The following CTNND2 variants were observed in gnomAD, a reference collection of about 807,000 sequenced individuals.
CTNND2 encodes catenin delta 2.
Under a neutral mutation model 144.4 loss-of-function variants are expected in CTNND2, and 22 were observed. The ratio of observed to expected loss-of-function variants is 0.15; its 90% CI spans 0.11 to 0.22. The LOEUF is 0.22. Ranked by LOEUF, CTNND2 falls within the 10% of genes least tolerant of loss-of-function variation. CTNND2 has a pLI of 1.00. For synonymous variants in CTNND2, 751 were observed against 695.6 expected, an observed-to-expected ratio of 1.08 and a Z score of -1.25; for missense variants, 1,353 against 1,618.8, an observed-to-expected ratio of 0.84 and a Z score of 2.82.
At chr5:11,482,366 C>T (rs1768360437) in intron 3 of CTNND2, among the ~76,000 whole-genome samples, 1 of 152,124 alleles carries the variant, frequency 6.6e-6, no homozygotes, top group African/African-American at 2.4e-5. Flanking sequence ...CTGAACTCTT[C>T]CCCAGAAATA....
chr5:11,196,503 T>A (rs866255038), intron 11 of CTNND2, among the ~76,000 whole-genome samples: 2 of 152,196 alleles, frequency 1.3e-5, no homozygotes, highest in Non-Finnish European at 2.9e-5. Context: ...CACGGGAGAA[T>A]TGCAAAGGAA....
chr5:11,299,922 T>C (rs1749410039), intron 9 of CTNND2, among the ~76,000 whole-genome samples: 1 of 151,322 alleles, frequency 6.6e-6, no homozygotes, highest in African/African-American at 2.4e-5. Flanking sequence ...TGATATGCCA[T>C]GTAGAAACAC....
chr5:11,361,165 C>T (rs985162728), intron 8 of CTNND2, among the ~76,000 whole-genome samples: 7 of 152,086 alleles, frequency 4.6e-5, no homozygotes, highest in Admixed American at 1.3e-4. Context: ...GGATTACTGG[C>T]GCCTGCCACC....
intron 1 of CTNND2, among the ~76,000 whole-genome samples, chr5:11,883,734 T>C (rs1212188862): frequency 6.6e-6 from 1 of 152,218 alleles, no homozygotes; most frequent in Non-Finnish European, 1.5e-5. Context: ...TTTCTGGTTC[T>C]AGATCCTTGA....
At chr5:11,213,213 G>A (rs565746215) in intron 10 of CTNND2, among the ~76,000 whole-genome samples, 23 of 152,076 alleles carry the variant, frequency 1.5e-4, no homozygotes, top group Admixed American at 3.9e-4. Flanking sequence ...GAGCCATCTT[G>A]TGTTTCTGTG....
At chr5:11,145,942 T>C (rs1039559967) in intron 12 of CTNND2, among the ~76,000 whole-genome samples, 120 of 152,198 alleles carry the variant, frequency 7.9e-4, no homozygotes, top group Non-Finnish European at 6.6e-4. Flanking sequence ...TCTTCTGGCC[T>C]GGAGCATCTC....
intron 1 of CTNND2, among the ~76,000 whole-genome samples, chr5:11,811,805 A>G (rs1377598517): frequency 6.6e-6 from 1 of 152,196 alleles, no homozygotes; most frequent in African/African-American, 2.4e-5. Flanking sequence ...TTCTTTCTAG[A>G]CACTAGATCT....
At chr5:11,761,239 C>T (rs867122924) in intron 1 of CTNND2, among the ~76,000 whole-genome samples, 4 of 152,034 alleles carry the variant, frequency 2.6e-5, no homozygotes, top group Non-Finnish European at 4.4e-5. Context: ...ACTCTGAGAA[C>T]GATGCTAAAT....
intron 1 of CTNND2, among the ~76,000 whole-genome samples, chr5:11,879,448 T>C (rs1735870044): frequency 6.6e-6 from 1 of 150,596 alleles, no homozygotes; most frequent in Admixed American, 6.7e-5. Flanking sequence ...ATTTGCCTTT[T>C]CTTAACATCT....
intron 1 of CTNND2, among the ~76,000 whole-genome samples, chr5:11,805,729 T>A (rs976469591): frequency 5.3e-5 from 8 of 151,964 alleles, no homozygotes; most frequent in Non-Finnish European, 1.2e-4. Context: ...AAACAACAAA[T>A]CTCCCATGCA....
intron 10 of CTNND2, among the ~76,000 whole-genome samples, chr5:11,226,051 A>AT (rs1240150591): frequency 6.6e-6 from 1 of 152,176 alleles, no homozygotes; most frequent in Non-Finnish European, 1.5e-5. Flanking sequence ...GCAAGGAAGG[A>AT]TTCCACCCTG....
chr5:11,693,224 A>G (rs1784990437), intron 2 of CTNND2, among the ~76,000 whole-genome samples: 1 of 152,232 alleles, frequency 6.6e-6, no homozygotes, highest in Non-Finnish European at 1.5e-5. Flanking sequence ...GAGCCTCTCC[A>G]GACCCTGAAT....
At chr5:11,778,688 G>T (rs1168691216) in intron 1 of CTNND2, among the ~76,000 whole-genome samples, 1 of 152,206 alleles carries the variant, frequency 6.6e-6, no homozygotes, top group Non-Finnish European at 1.5e-5. Flanking sequence ...CTAACTAAAA[G>T]TAATGTGGTG....
Position 11,317,353 on chromosome 5 carries a change from T to C in CTNND2, c.1628+29019A>G, listed in dbSNP as rs1469563232. ...ACTGATAACAGCATTTTGGTGGCTATGGCAGCATAGTTAGCTGAACAAATA... is the reference window on the plus strand; with the variant it reads ...ACTGATAACAGCATTTTGGTGGCTACGGCAGCATAGTTAGCTGAACAAATA... On this transcript the variant is annotated intron_variant, in intron 9 of 21. Transcript: ENST00000304623. Among the ~76,000 whole-genome samples, 6 of 152,306 alleles carry C rather than the reference T, an allele frequency of 3.9e-5. No individual in the cohort carries two copies. In the East Asian group the frequency reaches 1.2e-3, roughly 29 times the overall value.
intron 1 of CTNND2, among the ~76,000 whole-genome samples, chr5:11,830,968 G>T (rs1793867936): frequency 6.6e-6 from 1 of 151,996 alleles, no homozygotes; most frequent in East Asian, 1.9e-4. Context: ...AAATATATAG[G>T]GTTAAGTGTA....
Position 11,497,514 on chromosome 5 carries a change from GGGGGT to G in CTNND2, c.287+67425_287+67429del, listed in dbSNP as rs199728443. ...CCATGAGGCAAAGAATGATGTGCGG[GGGGGT>G]GGGGGGGGGCAATATGTGCAAAGGC... On this transcript the variant is annotated intron_variant, in intron 3 of 21. Coordinates refer to ENST00000304623, the MANE Select transcript of CTNND2 (RefSeq NM_001332.4). Among the ~76,000 whole-genome samples, 526 of 86,620 alleles carry G rather than the reference GGGGGT, an allele frequency of 6.1e-3. 20 individuals are homozygous for G. Among genetic ancestry groups the G allele is most frequent in the African/African-American group, 0.016 (358 of 22,070 alleles). 56.8% of individuals were successfully genotyped at this position (86,620 alleles called of 152,430 possible). A position where few individuals can be genotyped will look rare whatever the true frequency, so the allele number is the denominator to read the frequency against.
At chr5:11,827,117 C>A (rs970786133) in intron 1 of CTNND2, among the ~76,000 whole-genome samples, 3 of 152,056 alleles carry the variant, frequency 2.0e-5, no homozygotes, top group African/African-American at 7.2e-5. Context: ...TAAAATCCAA[C>A]AAAACATTCC....
At chr5:11,539,924 C>T (rs1774574973) in intron 3 of CTNND2, among the ~76,000 whole-genome samples, 1 of 152,094 alleles carries the variant, frequency 6.6e-6, no homozygotes, top group Admixed American at 6.6e-5. Flanking sequence ...ATCCCAGCTA[C>T]TTGGGAGGCT....
intron 3 of CTNND2, among the ~76,000 whole-genome samples, chr5:11,432,606 T>G (rs1221766295): frequency 1.3e-5 from 2 of 152,094 alleles, no homozygotes; most frequent in Non-Finnish European, 2.9e-5. Flanking sequence ...GGGATGAGGG[T>G]GATGATTTCA....
Sources: allele counts gnomAD v4.1 joint callset (sites outside exome capture counted in the v4.1 genomes callset), GRCh38; gene constraint gnomAD v4.1.1; transcripts MANE v1.5; gene names NCBI Gene and HGNC (gene_info 2026-07-23, HGNC 2026-07-21).